The following TWSG1 variants were observed in gnomAD, a reference collection of about 807,000 sequenced individuals.
The protein encoded by TWSG1 is twisted gastrulation protein homolog 1.
In TWSG1, 15 loss-of-function variants were observed where a neutral mutation model predicts 23.0. The ratio of observed to expected loss-of-function variants is 0.65; its 90% CI spans 0.44 to 1.00. The LOEUF is 1.00. TWSG1 is among the 50% of genes least tolerant of loss of function. The pLI is 0.00. For synonymous variants in TWSG1, 86 were observed against 92.8 expected (o/e 0.93, Z 0.42); for missense variants, 242 against 278.7 (o/e 0.87, Z 0.94).
chr18:9,348,044 A>T (rs1402558261), intron 2 of TWSG1, among the ~76,000 whole-genome samples: 10 of 152,154 alleles, frequency 6.6e-5, no homozygotes, highest in Non-Finnish European at 1.5e-4. Context: ...GAGGCAATAA[A>T]ACCTGGTTGG....
chr18:9,399,301 T>A, intron 4 of TWSG1, 45 bp from the exon 5 acceptor site: 1 of 1,441,098 alleles, frequency 6.9e-7, no homozygotes, highest in Non-Finnish European at 9.4e-7. Flanking sequence ...TATTTTTTTG[T>A]TTTTCTTCTT....
chr18:9,369,195 T>G (rs753161265), intron 3 of TWSG1, among the ~76,000 whole-genome samples: 5 of 152,162 alleles, frequency 3.3e-5, no homozygotes, highest in Admixed American at 6.6e-5. Flanking sequence ...TTAGTGATTT[T>G]GAGAATTTTT....
At chr18:9,396,601 G>A (rs2145636999) in intron 4 of TWSG1, 55 bp downstream of exon 4, 1 of 1,572,874 alleles carries the variant, frequency 6.4e-7, no homozygotes, top group East Asian at 2.2e-5. Context: ...GTCTGTCCAT[G>A]TAATCTATAA....
intron 2 of TWSG1, among the ~76,000 whole-genome samples, chr18:9,355,519 T>C (rs906646182): frequency 1.3e-5 from 2 of 152,224 alleles, no homozygotes; most frequent in African/African-American, 4.8e-5. Flanking sequence ...AATAATGTGA[T>C]TTTTAAGGGC....
intron 2 of TWSG1, among the ~76,000 whole-genome samples, chr18:9,342,068 C>T (rs12456325): frequency 0.12 from 18,293 of 152,164 alleles, 1,296 homozygotes; most frequent in Middle Eastern, 0.27. Context: ...CTGTGGGGAA[C>T]GGAGTGTTAC....
chr18:9,395,794 TG>T (rs1258037416), intron 3 of TWSG1, among the ~76,000 whole-genome samples: 4 of 152,226 alleles, frequency 2.6e-5, no homozygotes, highest in African/African-American at 7.2e-5. Flanking sequence ...ATCAAACTCC[TG>T]GGCTGAAGTG....
chr18:9,355,201 C>T (rs927612162), intron 2 of TWSG1, among the ~76,000 whole-genome samples: 2 of 152,182 alleles, frequency 1.3e-5, no homozygotes, highest in African/African-American at 4.8e-5. Flanking sequence ...TGTGATCCGC[C>T]TGCCTTGGCC....
intron 3 of TWSG1, among the ~76,000 whole-genome samples, chr18:9,382,237 A>G (rs1424973116): frequency 2.0e-5 from 3 of 152,150 alleles, no homozygotes; most frequent in Non-Finnish European, 4.4e-5. Context: ...GAGGCTGGGC[A>G]TGGTGGCTGG....
intron 3 of TWSG1, among the ~76,000 whole-genome samples, chr18:9,366,729 T>C (rs528942361): frequency 2.6e-5 from 4 of 152,166 alleles, no homozygotes; most frequent in Non-Finnish European, 5.9e-5. Context: ...GGAGTTCAAA[T>C]TTTCTGTTTT....
chr18:9,377,577 T>C (rs2040636956), intron 3 of TWSG1, among the ~76,000 whole-genome samples: 1 of 152,076 alleles, frequency 6.6e-6, no homozygotes, highest in Non-Finnish European at 1.5e-5. Context: ...CTGCAAAATA[T>C]GAATCTATAC....
Position 9,360,534 on chromosome 18 carries a change from A to T in TWSG1, c.223+463A>T, listed in dbSNP as rs138158055. Among the ~76,000 whole-genome samples, 889 of 152,274 alleles carry T rather than the reference A, an allele frequency of 5.8e-3. 7 individuals carry two copies. Among genetic ancestry groups the T allele is most frequent in the African/African-American group, 0.02 (849 of 41,574 alleles). ...AACACCTGTCAGCCCTTCTCTGACC[A>T]GTTAACTCATTTTTAACTTTTAAAA... On this transcript the variant is annotated intron_variant, in intron 3 of 4. Transcript: ENST00000262120.
intron 2 of TWSG1, among the ~76,000 whole-genome samples, chr18:9,359,105 T>C (rs1230198659): frequency 1.3e-5 from 2 of 152,142 alleles, no homozygotes; most frequent in Non-Finnish European, 2.9e-5. Flanking sequence ...GCCATTTATT[T>C]AACTCTTGTT....
chr18:9,399,250 G>C, intron 4 of TWSG1, 96 bp from the exon 5 acceptor site: 1 of 778,678 alleles, frequency 1.3e-6, no homozygotes, highest in Non-Finnish European at 2.0e-6. Context: ...AGAGAACCAA[G>C]ATAAATAACT....
intron 3 of TWSG1, among the ~76,000 whole-genome samples, chr18:9,369,133 AAAT>A (rs1157381989): frequency 1.5e-5 from 1 of 66,474 alleles, no homozygotes; most frequent in Non-Finnish European, 3.3e-5. Flanking sequence ...ACAAACAAAT[AAAT>A]AAATAAAATA....
At chr18:9,345,995 T>G (rs1333315259) in intron 2 of TWSG1, among the ~76,000 whole-genome samples, 1 of 152,222 alleles carries the variant, frequency 6.6e-6, no homozygotes, top group Non-Finnish European at 1.5e-5. Context: ...TATTATTAAC[T>G]AAAATCTATG....
intron 2 of TWSG1, among the ~76,000 whole-genome samples, chr18:9,344,318 G>C (rs72939979): frequency 0.028 from 4,224 of 152,276 alleles, 96 homozygotes; most frequent in Non-Finnish European, 0.044. Flanking sequence ...TTATTCTAAA[G>C]TGGCTGCACT....
At chr18:9,396,256 C>T (rs200598205) in intron 3 of TWSG1, 24 bp from the exon 4 acceptor site, 1 of 1,593,730 alleles carries the variant, frequency 6.3e-7, no homozygotes, top group East Asian at 2.3e-5. Context: ...CTAACAAAAT[C>T]TTATGATATT....
intron 3 of TWSG1, among the ~76,000 whole-genome samples, chr18:9,392,899 A>G (rs370657781): frequency 1.2e-4 from 19 of 152,356 alleles, no homozygotes; most frequent in African/African-American, 4.1e-4. Context: ...AGGGAGAGAT[A>G]CAGGAGAATG....
At chr18:9,369,181 A>G (rs1207522347) in intron 3 of TWSG1, among the ~76,000 whole-genome samples, 1 of 152,078 alleles carries the variant, frequency 6.6e-6, no homozygotes, top group Non-Finnish European at 1.5e-5. Context: ...TATTACTTTG[A>G]TGATTAGTGA....
Sources: gnomAD v4.1 joint callset for allele counts (sites outside exome capture counted in the v4.1 genomes callset) on GRCh38, gnomAD v4.1.1 for gene constraint, MANE v1.5 for transcripts, NCBI Gene and HGNC (gene_info 2026-07-23, HGNC 2026-07-21) for gene names.